Variants in OPLAH observed in about 807,000 individuals in gnomAD.
OPLAH encodes 5-oxoprolinase.
A neutral mutation model predicts 122.8 loss-of-function variants in OPLAH; 103 were observed. The ratio of observed to expected loss-of-function variants is 0.84; its 90% CI spans 0.71 to 0.99. The LOEUF is 0.99. Ranked by LOEUF, OPLAH falls within the 50% of genes least tolerant of loss-of-function variation. The probability of loss-of-function intolerance (pLI) is 0.00; values close to 1 mark genes in which losing one functional copy is unlikely to be tolerated. For missense variants in OPLAH, 1,902 were observed against 1,836.5 expected, an observed-to-expected ratio of 1.04 and a Z score of -0.65; for synonymous variants, 875 against 796.0, an observed-to-expected ratio of 1.10 and a Z score of -1.67.
chr8:144,051,434 A>T lies in OPLAH; in HGVS notation c.3759T>A (p.Tyr1253Ter). Residue 1253 changes from tyrosine to a stop codon, truncating the protein, a stop_gained, in exon 27 of 27, where the codon TAT becomes TAA. Coordinates refer to ENST00000618853, the MANE Select transcript of OPLAH (RefSeq NM_017570.5). LOFTEE classifies it high-confidence loss of function. ...GTGGGGCGGGGTCCTCCGGGTCCCC[A>T]TAGCCACCGCCGCCGGGCGTGTGGA... ...FCLHTPGGGG[Y>*]GDPEDPAPPP... 1.9e-6 allele frequency: 3 copies of T among 1,539,558 alleles called. No individual in the cohort carries two copies.
chr8:144,052,839 G>A lies in OPLAH; in HGVS notation c.3080C>T (p.Pro1027Leu). The A allele has an allele frequency of 6.4e-7, 1 of 1,555,844 alleles. No homozygotes were observed. The highest frequency in any genetic ancestry group is 1.7e-4 in the Middle Eastern group (1 of 5,996). ...GPEVFGNLNA[P>L]RAVTLSALIY... Reference sequence around the variant, plus strand: ...GAGGGCGGACAGGGTTACGGCCCGCGGTGCGTTGAGATTACCAAACACCTC... The same window carrying A: ...GAGGGCGGACAGGGTTACGGCCCGCAGTGCGTTGAGATTACCAAACACCTC... Residue 1027 changes from proline to leucine, a missense_variant, in exon 22 of 27, where the codon CCG becomes CTG. By Grantham distance (98) the Pro-to-Leu change is moderately conservative. Coordinates refer to ENST00000618853, the MANE Select transcript of OPLAH (RefSeq NM_017570.5).
rs61743013 is a variant in OPLAH at position 144,054,611 on chromosome 8, G to A, written c.2636C>T (p.Ala879Val). ...PHSTMLQQEG[A>V]VFLSFKLVQG... is the part of the protein sequence containing the mutation. ...GACAAGTTTGAAGGACAGAAAGACG[G>A]CACCCTCCTGTTGCAGCATGGTGGA... Residue 879 changes from alanine to valine, a missense_variant, in exon 19 of 27, where the codon GCC becomes GTC. By Grantham distance (64) the Ala-to-Val change is moderately conservative (BLOSUM62 0). This residue lies in a region of OPLAH where 1,726 missense variants were observed against 1,642.1 expected (regional missense o/e 1.05). Transcript: ENST00000618853. 7.8e-3 allele frequency: 12,611 copies of A among 1,607,212 alleles called. 837 individuals are homozygous for A. In the African/African-American group the frequency reaches 0.14, roughly 18 times the overall value.
Position 144,059,733 on chromosome 8 carries a change from T to C in OPLAH, c.229A>G (p.Ile77Val), listed in dbSNP as rs782336771. ...GTGGCCACTGTGGTGCCCATGCGGA[T>C]GCTGGCGATATGACTGGAGTCCAGC... The part of the protein sequence containing the change: ...QPLDSSHIAS[I>V]RMGTTVATNA... Residue 77 changes from isoleucine (I) to valine (V), a missense_variant, in exon 3 of 27, where the codon ATC (isoleucine) becomes GTC (valine). Physicochemically the swap from Ile to Val is conservative, Grantham distance 29. This residue lies in a region of OPLAH where 168 missense variants were observed against 170.6 expected (regional missense o/e 0.98). Coordinates refer to ENST00000618853, the MANE Select transcript of OPLAH (RefSeq NM_017570.5). The C allele has an allele frequency of 3.7e-6, 6 of 1,610,990 alleles. No homozygotes were observed. Among genetic ancestry groups the C allele is most frequent in the Admixed American group, 3.3e-5 (2 of 59,988 alleles).
Position 144,051,784 on chromosome 8 carries a change from T to C in OPLAH, c.3665A>G (p.Lys1222Arg). 1.2e-6 allele frequency: 2 copies of C among 1,603,018 alleles called. No individual in the cohort carries two copies. Among genetic ancestry groups the C allele is most frequent in the South Asian group, 2.2e-5 (2 of 89,956 alleles). ...GCCCAGATTCACCGTCCGGCCGTTT[T>C]TGCGGATCAGCAGGTTTAGGCCGCG... is the stretch of plus-strand genomic sequence containing the variant. ...GARGLNLLIR[K>R]NGRTVNLGGK... The change falls in exon 26 of 27, where the codon AAA becomes AGA. Residue 1222 changes from lysine to arginine, a missense_variant. By Grantham distance (26) the Lys-to-Arg change is conservative (BLOSUM62 2). Around this residue, in one of 3 missense-constraint regions of OPLAH, gnomAD observed 1,726 missense variants for 1,642.1 expected, o/e 1.05. Transcript: ENST00000618853.
At position 144,053,370 on chromosome 8, in the gene OPLAH, G is replaced by C; in HGVS notation, c.2710C>G (p.Pro904Ala). Residue 904 changes from proline to alanine, a missense_variant, in exon 20 of 27, where the codon CCA (proline) becomes GCA (alanine). Physicochemically the swap from Pro to Ala is conservative, Grantham distance 27. Coordinates refer to ENST00000618853, the MANE Select transcript of OPLAH (RefSeq NM_017570.5). Reference protein sequence around the residue: ...EEAVTEALRAPGKVPNCSGTR... With the variant: ...EEAVTEALRAAGKVPNCSGTR... ...CCGCTGCAGTTGGGGACCTTGCCTG[G>C]CGCCCGCAGGGCCTCCGTCACCGCT... The C allele has an allele frequency of 6.2e-7, 1 of 1,611,828 alleles. No individual in the cohort carries two copies. The highest frequency in any genetic ancestry group is 1.1e-5 in the South Asian group (1 of 90,954).
At position 144,057,438 on chromosome 8, in the gene OPLAH, G is replaced by T; in HGVS notation, c.1422+10C>A. The T allele has an allele frequency of 6.3e-7, 1 of 1,583,686 alleles. No homozygotes were observed. ...GGGCAGGACAGGCGGGAGAGCAGAG[G>T]TGGACGTACCTGCGTGAGTGCACGG... On this transcript the variant is annotated intron_variant, in intron 10 of 26. Transcript: ENST00000618853.
At position 144,054,081 on chromosome 8, in the gene OPLAH, C is replaced by T. The variant is rs183534348; in HGVS notation, c.2686+480G>A. Reference sequence around the variant, plus strand: ...AGCCTCCAGGCCACTCTCAAGACCCCGAATCCTCTCTGCACGTGGGCACAG... The same window carrying T: ...AGCCTCCAGGCCACTCTCAAGACCCTGAATCCTCTCTGCACGTGGGCACAG... On this transcript the variant is annotated intron_variant, in intron 19 of 26. Coordinates refer to ENST00000618853, the MANE Select transcript of OPLAH (RefSeq NM_017570.5). Among the ~76,000 whole-genome samples the T allele has an allele frequency of 1.3e-3, 199 of 151,132 alleles. 1 individual carries two copies. The highest frequency in any genetic ancestry group is 2.4e-3 in the Non-Finnish European group (163 of 67,814).
In OPLAH at chr8:144,058,787, G is replaced by T; in HGVS notation, c.573C>A (p.Leu191=). Residue 191 remains leucine (L), a synonymous_variant, in exon 5 of 27, where the codon CTC becomes CTA. Transcript: ENST00000618853. The stretch of plus-strand genomic sequence containing the variant: ...ACCTCACTCACGTGTACGAGTGCAT[G>T]AGCACCACAGCCAGGCTGCGGATGC... ...SRGIRSLAVV[L]MHSYTWAQHE... The T allele has an allele frequency of 6.2e-7, 1 of 1,603,140 alleles. No homozygotes were observed. The highest frequency in any genetic ancestry group is 8.5e-7 in the Non-Finnish European group (1 of 1,174,218).
chr8:144,052,092 C>CG lies in OPLAH; in HGVS notation c.3462-17dup, dbSNP rs1554757816. The CG allele has an allele frequency of 1.3e-6, 2 of 1,574,384 alleles. No individual in the cohort carries two copies. Among genetic ancestry groups the CG allele is most frequent in the Non-Finnish European group, 1.7e-6 (2 of 1,166,852 alleles). On this transcript the variant is annotated splice_polypyrimidine_tract_variant and intron_variant, in intron 24 of 26. Transcript: ENST00000618853. The stretch of plus-strand genomic sequence containing the variant: ...GACCGGGTACCTGCGAGGGCGAGGA[C>CG]GAGGGCAAAGACTCAGCGTGGCCCG...
At position 144,051,831 on chromosome 8, in the gene OPLAH, G is replaced by A. The variant is rs1835384018; in HGVS notation, c.3623-5C>T. 2 of 1,578,492 alleles carry A rather than the reference G, an allele frequency of 1.3e-6. No individual in the cohort carries two copies. Among genetic ancestry groups the A allele is most frequent in the African/African-American group, 1.4e-5 (1 of 74,064 alleles). On this transcript the variant is annotated splice_polypyrimidine_tract_variant and splice_region_variant and intron_variant, in intron 25 of 26. Coordinates refer to ENST00000618853, the MANE Select transcript of OPLAH (RefSeq NM_017570.5). ...CGCGGGCGCCAGGCTCGCCCCCTGC[G>A]GAGGGAGGCGAGGAGTCCAGAGAGA...
In OPLAH at chr8:144,058,565, G is replaced by C. The variant is rs372974283; in HGVS notation, c.714C>G (p.Asp238Glu). 8.1e-6 allele frequency: 13 copies of C among 1,601,404 alleles called. No homozygotes were observed. The highest frequency in any genetic ancestry group is 1.1e-5 in the Non-Finnish European group (13 of 1,178,952). The change falls in exon 6 of 27, where the codon GAC (aspartate) becomes GAG (glutamate). Residue 238 changes from aspartate to glutamate, a missense_variant. This residue lies in a region of OPLAH where 1,726 missense variants were observed against 1,642.1 expected (regional missense o/e 1.05). Coordinates refer to ENST00000618853, the MANE Select transcript of OPLAH (RefSeq NM_017570.5). ...GCTGGATGGCGGGCGTGAGGTAGGC[G>C]TCGGCACAGGCCGTGTGCCCCCGAG... Reference protein sequence around the residue: ...IVPRGHTACADAYLTPAIQRY... With the variant: ...IVPRGHTACAEAYLTPAIQRY...
At position 144,051,916 on chromosome 8, in the gene OPLAH, C is replaced by T; in HGVS notation, c.3622G>A (p.Gly1208Arg). Residue 1208 changes from glycine to arginine, a missense_variant and splice_region_variant, in exon 25 of 27, where the codon GGG (glycine) becomes AGG (arginine). Around this residue, in one of 3 missense-constraint regions of OPLAH, gnomAD observed 1,726 missense variants for 1,642.1 expected, o/e 1.05. Transcript: ENST00000618853. ...RRAFRPYGLHGGEPGARGLNL... is the reference protein window; with the variant it reads ...RRAFRPYGLHRGEPGARGLNL... Reference sequence around the variant, plus strand: ...CCGCGAGGGCTGGGGAACCGCGCACCGTGGAGCCCGTATGGCCGGAAGGCG... The same window carrying T: ...CCGCGAGGGCTGGGGAACCGCGCACTGTGGAGCCCGTATGGCCGGAAGGCG... 6.5e-7 allele frequency: 1 copy of T among 1,532,382 alleles called. No homozygotes were observed. The highest frequency in any genetic ancestry group is 8.7e-7 in the Non-Finnish European group (1 of 1,145,872). 94.9% of individuals were successfully genotyped at this position (1,532,382 alleles called of 1,614,324 possible).
chr8:144,052,010 G>T lies in OPLAH; in HGVS notation c.3528C>A (p.Gly1176=). The T allele has an allele frequency of 6.3e-7, 1 of 1,588,786 alleles. No individual in the cohort carries two copies. Among genetic ancestry groups the T allele is most frequent in the Non-Finnish European group, 8.5e-7 (1 of 1,175,832 alleles). ...GCAGCTCGCGGGTGACGCCGTCGCC[G>T]CCTCGGAAGCGGCCTCTGCCCCCCG... The part of the protein sequence containing the change: ...RGSGGRGRFR[G]GDGVTRELLF... Residue 1176 remains glycine, a synonymous_variant, in exon 25 of 27, where the codon GGC becomes GGA. Transcript: ENST00000618853.
chr8:144,050,350 G>A (rs1051075005), downstream of OPLAH: 1 of 976,000 alleles, frequency 1.0e-6, no homozygotes, highest in African/African-American at 1.8e-5. Flanking sequence ...GCTGGACTGG[G>A]CCGAGAAGTT....
chr8:144,051,482 C>CGGGGGTGGGGGGGG lies in OPLAH; in HGVS notation c.3721-11_3721-10insCCCCCCCCACCCCC. The stretch of plus-strand genomic sequence containing the variant: ...GGAGACAGAACACATCCTGTTGGCG[C>CGGGGGTGGGGGGGG]GGGGGGGGGCGGGGAGGCGGGCTCA... On this transcript the variant is annotated splice_polypyrimidine_tract_variant and intron_variant, in intron 26 of 26. Transcript: ENST00000618853. 3.6e-6 allele frequency: 1 copy of CGGGGGTGGGGGGGG among 278,374 alleles called. No homozygotes were observed. Among genetic ancestry groups the CGGGGGTGGGGGGGG allele is most frequent in the Non-Finnish European group, 5.1e-6 (1 of 197,960 alleles). The allele number at this position is 278,374 out of a possible 1,614,324, so 17.2% of individuals were successfully genotyped here.
rs781997003 is a variant in OPLAH, at chr8:144,052,859, C to T, written c.3060G>A (p.Val1020=). 6.4e-7 allele frequency: 1 copy of T among 1,554,294 alleles called. No homozygotes were observed. Residue 1020 remains valine, a synonymous_variant, in exon 22 of 27, where the codon GTG becomes GTA. Coordinates refer to ENST00000618853, the MANE Select transcript of OPLAH (RefSeq NM_017570.5). Reference sequence around the variant, plus strand: ...CCCGCGGTGCGTTGAGATTACCAAACACCTCCGGCCCAGTGCCGCTGAAGT... The same window carrying T: ...CCCGCGGTGCGTTGAGATTACCAAATACCTCCGGCCCAGTGCCGCTGAAGT... ...VFDFSGTGPE[V]FGNLNAPRAV...
rs147874057 is a variant in OPLAH at position 144,053,310 on chromosome 8, G to C, written c.2770C>G (p.Arg924Gly). Residue 924 changes from arginine to glycine, a missense_variant, in exon 20 of 27, where the codon CGT becomes GGT. Around this residue, in one of 3 missense-constraint regions of OPLAH, gnomAD observed 1,726 missense variants for 1,642.1 expected, o/e 1.05. Coordinates refer to ENST00000618853, the MANE Select transcript of OPLAH (RefSeq NM_017570.5). ...TTCTGGTTGGCTGCCACCTGGGCAC[G>C]GAGGTCCGACAGGTTGTCGTGCAGG... ...RNLHDNLSDL[R>G]AQVAANQKGI... 4 of 1,612,842 alleles carry C rather than the reference G, an allele frequency of 2.5e-6. No homozygotes were observed. The highest frequency in any genetic ancestry group is 3.3e-5 in the Admixed American group (2 of 59,978).
downstream of OPLAH, chr8:144,051,136 G>C: frequency 7.1e-7 from 1 of 1,414,008 alleles, no homozygotes; most frequent in Non-Finnish European, 9.2e-7. Context: ...GTGACGTTCA[G>C]TACCGCCCTG....
At chr8:144,050,567 C>T (rs2129724549), downstream of OPLAH, 1 of 985,650 alleles carries the variant, frequency 1.0e-6, no homozygotes, top group Non-Finnish European at 1.2e-6. Flanking sequence ...AGCACGAGCT[C>T]TTCCGCTGTT....
Sources: allele counts gnomAD v4.1 joint callset (sites outside exome capture counted in the v4.1 genomes callset), GRCh38; gene constraint gnomAD v4.1.1; regional missense constraint gnomAD v4.1.1; transcripts MANE v1.5; gene names NCBI Gene and HGNC (gene_info 2026-07-23, HGNC 2026-07-21).